The following ZNF267 variants were observed in gnomAD, a reference collection of about 807,000 sequenced individuals.
ZNF267 encodes zinc finger protein 267, also known as zinc finger (C2H2).
In ZNF267, 61 loss-of-function variants were observed where a neutral mutation model predicts 71.6. That is an observed-to-expected ratio of 0.85 (90% confidence interval 0.69 to 1.05). The LOEUF (loss-of-function observed/expected upper bound fraction) is 1.05, where lower values mean the gene tolerates loss of function less well. Ranked by LOEUF, ZNF267 falls within the 50% of genes least tolerant of loss-of-function variation. ZNF267 has a pLI of 0.00. For synonymous variants in ZNF267, 288 were observed against 293.2 expected, an observed-to-expected ratio of 0.98 and a Z score of 0.18; for missense variants, 852 against 870.0, an observed-to-expected ratio of 0.98 and a Z score of 0.26.
rs1303609132 is a variant in ZNF267 at position 31,914,630 on chromosome 16, A to T, written c.381A>T (p.Gly127=). ...GGGAGGAGTGTGAAGGGCACAATGG[A>T]TGTTATGATGAAAAGACTTTTAAAT... is the stretch of plus-strand genomic sequence containing the variant. ...WKREECEGHN[G]CYDEKTFKYD... The change falls in exon 4 of 4, where the codon GGA becomes GGT. Residue 127 remains glycine, a synonymous_variant. Coordinates refer to ENST00000300870, the MANE Select transcript of ZNF267 (RefSeq NM_003414.6). The T allele has an allele frequency of 6.2e-7, 1 of 1,614,088 alleles. No homozygotes were observed. Among genetic ancestry groups the T allele is most frequent in the African/African-American group, 1.3e-5 (1 of 75,044 alleles).
At chr16:31,905,402 C>A (rs1370208517) in intron 3 of ZNF267, among the ~76,000 whole-genome samples, 1 of 152,200 alleles carries the variant, frequency 6.6e-6, no homozygotes, top group Admixed American at 6.5e-5. Flanking sequence ...GTTCCATTCT[C>A]CTCGTCACTT....
chr16:31,898,547 A>T (rs1596622668), intron 3 of ZNF267, among the ~76,000 whole-genome samples: 1 of 149,514 alleles, frequency 6.7e-6, no homozygotes. Context: ...TGTTTTATTG[A>T]TTTTTTTTTA....
chr16:31,910,833 A>G (rs2084130294), intron 3 of ZNF267, among the ~76,000 whole-genome samples: 1 of 151,436 alleles, frequency 6.6e-6, no homozygotes, highest in South Asian at 2.1e-4. Flanking sequence ...GTAAGCACAT[A>G]TATCTATACA....
chr16:31,880,307 C>T (rs980867202), intron 1 of ZNF267, among the ~76,000 whole-genome samples: 12 of 152,172 alleles, frequency 7.9e-5, no homozygotes, highest in African/African-American at 2.9e-4. Flanking sequence ...GTGGCAGAAT[C>T]TGTAAGTGTA....
intron 3 of ZNF267, chr16:31,911,870 T>C (rs1038309288): frequency 1.3e-5 from 2 of 151,660 alleles, no homozygotes; most frequent in Admixed American, 6.6e-5. Context: ...TACTATCTTA[T>C]AACCTATTGT....
At chr16:31,904,363 A>G (rs1204258785) in intron 3 of ZNF267, among the ~76,000 whole-genome samples, 1 of 152,164 alleles carries the variant, frequency 6.6e-6, no homozygotes, top group Non-Finnish European at 1.5e-5. Flanking sequence ...TGTCCTGTTG[A>G]TCTGTCTAAT....
At chr16:31,894,095 C>T (rs952850054) in intron 3 of ZNF267, among the ~76,000 whole-genome samples, 4 of 152,212 alleles carry the variant, frequency 2.6e-5, no homozygotes, top group African/African-American at 7.2e-5. Flanking sequence ...TGTCTAAGGT[C>T]GACCAGCAAG....
At chr16:31,874,877 C>G (rs1295440493) in intron 1 of ZNF267, among the ~76,000 whole-genome samples, 1 of 152,186 alleles carries the variant, frequency 6.6e-6, no homozygotes, top group Non-Finnish European at 1.5e-5. Context: ...CTTCCCCTCT[C>G]CAGTTCACAT....
At chr16:31,900,413 A>C (rs1232150315) in intron 3 of ZNF267, among the ~76,000 whole-genome samples, 1 of 152,040 alleles carries the variant, frequency 6.6e-6, no homozygotes, top group Admixed American at 6.6e-5. Flanking sequence ...AATGGATATA[A>C]ATTCATTTAG....
chr16:31,895,102 G>C (rs2083988424), intron 3 of ZNF267: 1 of 198,910 alleles, frequency 5.0e-6, no homozygotes, highest in South Asian at 8.2e-5. Flanking sequence ...ATATCATCTT[G>C]CTTGCCATGG....
Position 31,915,057 on chromosome 16 carries a change from A to G in ZNF267, c.808A>G (p.Asn270Asp). ...QEKQEQSYKC[N>D]KCVEVCTQSL... Reference sequence around the variant, plus strand: ...GAAACAAGAACAGTCTTACAAATGTAATAAATGTGTAGAAGTTTGTACCCA... The same window carrying G: ...GAAACAAGAACAGTCTTACAAATGTGATAAATGTGTAGAAGTTTGTACCCA... Residue 270 changes from asparagine to aspartate, a missense_variant, in exon 4 of 4, where the codon AAT (asparagine) becomes GAT (aspartate). Asn to Asp is a conservative substitution (Grantham distance 23). Coordinates refer to ENST00000300870, the MANE Select transcript of ZNF267 (RefSeq NM_003414.6). 6.2e-7 allele frequency: 1 copy of G among 1,613,162 alleles called. No homozygotes were observed. Among genetic ancestry groups the G allele is most frequent in the Non-Finnish European group, 8.5e-7 (1 of 1,179,746 alleles).
At chr16:31,901,258 C>T (rs1321811737) in intron 3 of ZNF267, among the ~76,000 whole-genome samples, 4 of 152,054 alleles carry the variant, frequency 2.6e-5, no homozygotes, top group Admixed American at 2.6e-4. Flanking sequence ...CCACAATAAA[C>T]ATACATGTGC....
intron 3 of ZNF267, among the ~76,000 whole-genome samples, chr16:31,909,844 T>TA (rs1241198980): frequency 6.6e-6 from 1 of 152,222 alleles, no homozygotes; most frequent in African/African-American, 2.4e-5. Flanking sequence ...TTCCAGATCT[T>TA]AGAGAAAAGA....
At position 31,916,595 on chromosome 16, in the gene ZNF267, C is replaced by G; in HGVS notation, c.*114C>G. 2 of 1,062,794 alleles carry G rather than the reference C, an allele frequency of 1.9e-6. No homozygotes were observed. The highest frequency in any genetic ancestry group is 2.7e-6 in the Non-Finnish European group (2 of 753,290). 65.8% of individuals were successfully genotyped at this position (1,062,794 alleles called of 1,614,324 possible). A position where few individuals can be genotyped will look rare whatever the true frequency, so the allele number is the denominator to read the frequency against. On this transcript the variant is annotated 3_prime_UTR_variant, in exon 4 of 4. Coordinates refer to ENST00000300870, the MANE Select transcript of ZNF267 (RefSeq NM_003414.6). Reference sequence around the variant, plus strand: ...GTTAAGAATGTGGCATAACCTTTAACTATTTTCAAGCCTTACACAATAGCA... The same window carrying G: ...GTTAAGAATGTGGCATAACCTTTAAGTATTTTCAAGCCTTACACAATAGCA...
intron 1 of ZNF267, chr16:31,875,159 T>C: frequency 7.8e-7 from 1 of 1,289,198 alleles, no homozygotes; most frequent in Non-Finnish European, 1.0e-6. Flanking sequence ...CAGGGCCCTG[T>C]ATAGCCACCC....
At chr16:31,886,110 T>C (rs2083922412) in intron 3 of ZNF267, among the ~76,000 whole-genome samples, 1 of 152,210 alleles carries the variant, frequency 6.6e-6, no homozygotes, top group Admixed American at 6.5e-5. Flanking sequence ...TCTAGACATA[T>C]GATTCTTTCC....
intron 3 of ZNF267, among the ~76,000 whole-genome samples, chr16:31,891,937 A>T (rs2083963130): frequency 6.6e-6 from 1 of 152,242 alleles, no homozygotes; most frequent in Admixed American, 6.5e-5. Flanking sequence ...TGGAGGGCTC[A>T]GAAGAAGACA....
rs780578642 is a variant in ZNF267, at chr16:31,916,456, G to T, written c.2207G>T (p.Arg736Ile). ...NSRSYLIAHQRSHTREKL is the reference protein window; with the variant it reads ...NSRSYLIAHQISHTREKL ...AGGTCATACCTCATTGCACATCAGA[G>T]AAGTCATACTAGAGAAAAACTTTAA... The change falls in exon 4 of 4, where the codon AGA becomes ATA. Residue 736 changes from arginine (R) to isoleucine (I), a missense_variant. By Grantham distance (97) the Arg-to-Ile change is moderately conservative. Transcript: ENST00000300870. 2.5e-5 allele frequency: 41 copies of T among 1,612,684 alleles called. No individual in the cohort carries two copies. In the African/African-American group the frequency reaches 4.4e-4, roughly 17 times the overall value.
chr16:31,907,704 C>T (rs910069288), intron 3 of ZNF267, among the ~76,000 whole-genome samples: 1 of 151,890 alleles, frequency 6.6e-6, no homozygotes, highest in African/African-American at 2.4e-5. Flanking sequence ...GAGTTTGAGA[C>T]CTGCCTGAGC....
Sources: allele counts gnomAD v4.1 joint callset (sites outside exome capture counted in the v4.1 genomes callset), GRCh38; gene constraint gnomAD v4.1.1; transcripts MANE v1.5; gene names NCBI Gene and HGNC (gene_info 2026-07-23, HGNC 2026-07-21).